The following UNC79 variants were observed in gnomAD, a reference collection of about 807,000 sequenced individuals.
UNC79 encodes unc-79 subunit of NALCN channel complex.
A neutral mutation model predicts 283.1 loss-of-function variants in UNC79; 37 were observed. That is an observed-to-expected ratio of 0.13 (90% CI 0.10 to 0.17). The LOEUF (loss-of-function observed/expected upper bound fraction) is 0.17, where lower values mean the gene tolerates loss of function less well. Ranked by LOEUF, UNC79 falls within the 10% of genes least tolerant of loss-of-function variation. UNC79 has a pLI of 1.00. For synonymous variants in UNC79, 1,107 were observed against 1,200.2 expected (o/e 0.92, Z 1.61); for missense variants, 2,272 against 3,211.1 (o/e 0.71, Z 7.07).
At chr14:93,667,595 A>C (rs527656719) in intron 40 of UNC79, among the ~76,000 whole-genome samples, 1 of 152,324 alleles carries the variant, frequency 6.6e-6, no homozygotes, top group East Asian at 1.9e-4. Flanking sequence ...TTTAGAGGAC[A>C]ACTTCTACTA....
At chr14:93,419,597 G>T (rs1275017713) in intron 1 of UNC79, among the ~76,000 whole-genome samples, 1 of 151,804 alleles carries the variant, frequency 6.6e-6, no homozygotes, top group Non-Finnish European at 1.5e-5. Context: ...ATGAAGTTAA[G>T]GTGTAGAGTT....
chr14:93,477,419 A>G lies in UNC79; in HGVS notation c.449-139A>G, dbSNP rs2057865539. ...TATAAATAGTACCCTATCAAACATT[A>G]TGTTTCATAACACTTAATAGAGATG... On this transcript the variant is annotated intron_variant, in intron 3 of 48. Coordinates refer to ENST00000555664, the Ensembl canonical transcript of UNC79. 3 of 618,870 alleles carry G rather than the reference A, an allele frequency of 4.8e-6. No homozygotes were observed. The South Asian group carries it at 8.1e-5, about 17-fold the overall frequency. 38.3% of individuals were successfully genotyped at this position (618,870 alleles called of 1,614,324 possible).
intron 14 of UNC79, among the ~76,000 whole-genome samples, chr14:93,558,677 G>A (rs865783584): frequency 1.3e-4 from 18 of 135,494 alleles, no homozygotes; most frequent in East Asian, 6.7e-4. Flanking sequence ...GCGAGAGGCC[G>A]GGGCCCTGGC....
chr14:93,347,496 G>GAGGCC, intron 1 of UNC79: 1 of 1,279,912 alleles, frequency 7.8e-7, no homozygotes, highest in Non-Finnish European at 1.0e-6. Flanking sequence ...CAGGCCTCGC[G>GAGGCC]TGGGAGGCTC....
At chr14:93,414,471 G>A (rs949955498) in intron 1 of UNC79, among the ~76,000 whole-genome samples, 1 of 152,174 alleles carries the variant, frequency 6.6e-6, no homozygotes, top group Non-Finnish European at 1.5e-5. Context: ...GATGCCTCCA[G>A]CTTTGTTCTT....
rs1405142785 is a variant in UNC79 at position 93,421,827 on chromosome 14, T to C, written c.-350-45844T>C. On this transcript the variant is annotated intron_variant, in intron 1 of 49. Transcript: ENST00000256339. Reference sequence around the variant, plus strand: ...ATTTATCATGGCCAAATGTGATTTATCCCAGGGATGCAATGTTAGTTCAAC... The same window carrying C: ...ATTTATCATGGCCAAATGTGATTTACCCCAGGGATGCAATGTTAGTTCAAC... 1.3e-5 allele frequency among the ~76,000 whole-genome samples: 2 copies of C among 150,296 alleles called. 1 individual carries two copies. Among genetic ancestry groups the C allele is most frequent in the Non-Finnish European group, 3.0e-5 (2 of 67,612 alleles).
chr14:93,698,919 C>T (rs2075343781), intron 47 of UNC79, among the ~76,000 whole-genome samples: 1 of 152,180 alleles, frequency 6.6e-6, no homozygotes, highest in African/African-American at 2.4e-5. Context: ...CACCACTGCA[C>T]TTGAACAGTG....
chr14:93,597,495 C>G (rs2141997495), exon 24 of UNC79: 4 of 1,613,932 alleles, frequency 2.5e-6, no homozygotes, highest in Non-Finnish European at 3.4e-6. Flanking sequence ...CAGTGGCTAC[C>G]AGAGCTGGTC....
chr14:93,692,020 C>G, intron 46 of UNC79, 74 bp downstream of exon 49: 1 of 1,514,730 alleles, frequency 6.6e-7, no homozygotes, highest in Non-Finnish European at 9.1e-7. Flanking sequence ...CCTCACACTC[C>G]CTGTTTTCAC....
intron 40 of UNC79, among the ~76,000 whole-genome samples, chr14:93,669,522 C>T (rs930257328): frequency 6.6e-6 from 1 of 152,072 alleles, no homozygotes; most frequent in African/African-American, 2.4e-5. Context: ...ACATTTTTGG[C>T]TTTACATTTT....
intron 5 of UNC79, among the ~76,000 whole-genome samples, chr14:93,495,547 C>A (rs2058979650): frequency 6.6e-6 from 1 of 152,154 alleles, no homozygotes; most frequent in South Asian, 2.1e-4. Flanking sequence ...GTGTTGACAG[C>A]AGTTGAGTAG....
intron 12 of UNC79, among the ~76,000 whole-genome samples, chr14:93,539,289 G>A (rs867490172): frequency 8.4e-4 from 126 of 150,106 alleles, no homozygotes; most frequent in African/African-American, 3.0e-3. Context: ...TTGAGAGACC[G>A]AGGCGGGTGG....
At chr14:93,472,833 A>G (rs938730184) in intron 2 of UNC79, among the ~76,000 whole-genome samples, 1 of 152,156 alleles carries the variant, frequency 6.6e-6, no homozygotes, top group African/African-American at 2.4e-5. Flanking sequence ...GTAATGAACC[A>G]TTTATAAACT....
intron 7 of UNC79, among the ~76,000 whole-genome samples, chr14:93,504,945 C>T (rs1050948283): frequency 5.9e-5 from 9 of 151,906 alleles, no homozygotes; most frequent in Admixed American, 4.6e-4. Flanking sequence ...CTTCTTTGAC[C>T]CATGGGTCAT....
chr14:93,659,102 T>G (rs920411206), intron 38 of UNC79, 91 bp from the exon 42 acceptor site: 2 of 1,016,540 alleles, frequency 2.0e-6, no homozygotes, highest in African/African-American at 3.3e-5. Flanking sequence ...GATTTTCCTT[T>G]TGCTAAACTA....
intron 41 of UNC79, among the ~76,000 whole-genome samples, chr14:93,674,587 A>G (rs192748966): frequency 6.6e-6 from 1 of 152,294 alleles, no homozygotes; most frequent in African/African-American, 2.4e-5. Context: ...CTCGCTGATG[A>G]GCATTAAGAC....
At chr14:93,693,621 A>G (rs1256978842) in intron 46 of UNC79, among the ~76,000 whole-genome samples, 1 of 152,224 alleles carries the variant, frequency 6.6e-6, no homozygotes, top group Non-Finnish European at 1.5e-5. Context: ...GCATGGCTAC[A>G]TTGTCCCACG....
In UNC79 at chr14:93,574,976, G is replaced by C. The variant is rs556230427; in HGVS notation, c.2071-82G>C. 1.2e-4 allele frequency: 177 copies of C among 1,460,762 alleles called. 1 individual carries two copies. The South Asian group carries it at 2.3e-3, about 19-fold the overall frequency. 90.5% of individuals were successfully genotyped at this position (1,460,762 alleles called of 1,614,324 possible). ...ATCCTTATGTTCAATAATTTGCTTT[G>C]GAAAAAGAAGGTTAAATATAGCTTT... On this transcript the variant is annotated intron_variant, in intron 16 of 48. Transcript: ENST00000555664.
Position 93,469,518 on chromosome 14 carries a change from G to A in UNC79, c.143+1727G>A, listed in dbSNP as rs548736297. Among the ~76,000 whole-genome samples the A allele has an allele frequency of 1.9e-3, 289 of 152,260 alleles. 1 individual carries two copies. The highest frequency in any genetic ancestry group is 6.6e-3 in the African/African-American group (274 of 41,566). ...TCAAGACAGCCAGACATGGTGGCTG[G>A]CATCTATAATCCCAGCTGCTTGGGA... On this transcript the variant is annotated intron_variant, in intron 2 of 48. Coordinates refer to ENST00000555664, the Ensembl canonical transcript of UNC79.
Sources: allele counts gnomAD v4.1 joint callset (sites outside exome capture counted in the v4.1 genomes callset), GRCh38; gene constraint gnomAD v4.1.1; transcripts MANE v1.5; gene names NCBI Gene and HGNC (gene_info 2026-07-23, HGNC 2026-07-21).